ZEB1: variants seen among roughly 807,000 people sequenced by gnomAD.
The protein encoded by ZEB1 is zinc finger E-box-binding homeobox 1.
ZEB1 carries 21 observed loss-of-function variants against 84.9 expected under a neutral mutation model. The ratio of observed to expected loss-of-function variants is 0.25; its 90% CI spans 0.18 to 0.36. The LOEUF is 0.36. Among genes scored for constraint, ZEB1 ranks in the 10% least tolerant of loss-of-function variants. ZEB1 has a pLI of 1.00. For synonymous variants in ZEB1, 420 were observed against 471.1 expected (o/e 0.89, Z 1.41); for missense variants, 1,104 against 1,330.2 (o/e 0.83, Z 2.65).
chr10:31,475,485 C>T (rs1283736143), intron 2 of ZEB1, among the ~76,000 whole-genome samples: 1 of 152,056 alleles, frequency 6.6e-6, no homozygotes, highest in Non-Finnish European at 1.5e-5. Flanking sequence ...ATGACCAAGG[C>T]ATATAGTCAT....
chr10:31,527,182 C>T lies in ZEB1; in HGVS notation c.3296C>T (p.Ala1099Val). 6.2e-7 allele frequency: 1 copy of T among 1,611,338 alleles called. No individual in the cohort carries two copies. Among genetic ancestry groups the T allele is most frequent in the Non-Finnish European group, 8.5e-7 (1 of 1,178,716 alleles). ...KTEGLMKDDR[A>V]ESQASSLGQK... The stretch of plus-strand genomic sequence containing the variant: ...GAAGGTCTGATGAAGGATGACAGGG[C>T]TGAAAGTCAAGCAAGCAGCTTAGGA... The change falls in exon 9 of 9, where the codon GCT becomes GTT. Residue 1099 changes from alanine (A) to valine (V), a missense_variant. Ala to Val is a moderately conservative substitution (Grantham distance 64, BLOSUM62 0). Around this residue, in one of 7 missense-constraint regions of ZEB1, gnomAD observed 173 missense variants for 167.0 expected, o/e 1.04. Transcript: ENST00000424869.
chr10:31,350,671 C>CA (rs1298066897), intron 1 of ZEB1, among the ~76,000 whole-genome samples: 2 of 151,896 alleles, frequency 1.3e-5, no homozygotes, highest in Non-Finnish European at 2.9e-5. Flanking sequence ...CTAAGAATAA[C>CA]AAAAAATGAG....
intron 1 of ZEB1, among the ~76,000 whole-genome samples, chr10:31,448,944 G>T (rs1376168889): frequency 3.3e-5 from 5 of 152,246 alleles, no homozygotes; most frequent in African/African-American, 1.2e-4. Flanking sequence ...GCTCCACCCA[G>T]TTGGAGCTTC....
chr10:31,321,289 T>A, intron 1 of ZEB1: 1 of 1,370,386 alleles, frequency 7.3e-7, no homozygotes, highest in Non-Finnish European at 9.4e-7. Context: ...ATTTTTAATA[T>A]ATTCGAGCCA....
chr10:31,383,997 AG>A, intron 1 of ZEB1, among the ~76,000 whole-genome samples: 1 of 113,826 alleles, frequency 8.8e-6, no homozygotes, highest in Middle Eastern at 7.9e-3. Flanking sequence ...TTTTTGAGAT[AG>A]AGTCTCACTC....
intron 1 of ZEB1, chr10:31,362,658 C>T (rs1230219929): frequency 5.2e-6 from 2 of 387,942 alleles, no homozygotes; most frequent in Non-Finnish European, 9.7e-6. Flanking sequence ...TGGCCGGGCA[C>T]AGGCGCTCCT....
intron 1 of ZEB1, among the ~76,000 whole-genome samples, chr10:31,443,500 G>A (rs1317571007): frequency 6.7e-6 from 1 of 149,998 alleles, no homozygotes; most frequent in Admixed American, 6.6e-5. Context: ...CCATGCTGGT[G>A]CGCTGCACCC....
chr10:31,319,219 C>G lies in ZEB1; in HGVS notation c.-16C>G. 1.2e-6 allele frequency: 2 copies of G among 1,602,988 alleles called. No individual in the cohort carries two copies. The highest frequency in any genetic ancestry group is 1.7e-6 in the Non-Finnish European group (2 of 1,175,924). ...GGAGGAGGTGACTCGAGCATTTAGA[C>G]ACAAGCGAGAGGATCATGGCGGATG... On this transcript the variant is annotated 5_prime_UTR_variant, in exon 1 of 9. Coordinates refer to ENST00000424869, the MANE Select transcript of ZEB1 (RefSeq NM_001174096.2).
In ZEB1 at chr10:31,526,200, C is replaced by T. The variant is rs141125148; in HGVS notation, c.2786-472C>T. On this transcript the variant is annotated intron_variant, in intron 8 of 8. Transcript: ENST00000424869. Reference sequence around the variant, plus strand: ...TATACTGTATATTTATGAGTTTTATCGTATATAAAAAGTGTATAGTAAACA... The same window carrying T: ...TATACTGTATATTTATGAGTTTTATTGTATATAAAAAGTGTATAGTAAACA... Among the ~76,000 whole-genome samples, 1,393 of 152,172 alleles carry T rather than the reference C, an allele frequency of 9.2e-3. 13 individuals carry two copies. The highest frequency in any genetic ancestry group is 0.031 in the African/African-American group (1,301 of 41,494).
In ZEB1 at chr10:31,521,024, A is replaced by G; in HGVS notation, c.1692A>G (p.Ala564=). The G allele has an allele frequency of 3.7e-6, 6 of 1,614,076 alleles. No homozygotes were observed. The highest frequency in any genetic ancestry group is 1.3e-5 in the African/African-American group (1 of 75,046). Reference sequence around the variant, plus strand: ...CTACTCAGCCTCCTCCACTCCCTGCAGCAGAAGCTGAGAAGCCTGAGTCCT... The same window carrying G: ...CTACTCAGCCTCCTCCACTCCCTGCGGCAGAAGCTGAGAAGCCTGAGTCCT... The part of the protein sequence containing the change: ...KQPTQPPPLP[A]AEAEKPESSV... Residue 564 remains alanine, a synonymous_variant, in exon 7 of 9, where the codon GCA becomes GCG. Transcript: ENST00000424869.
At position 31,349,802 on chromosome 10, in the gene ZEB1, T is replaced by C. The variant is rs1300417164; in HGVS notation, c.58+30510T>C. Among the ~76,000 whole-genome samples the C allele has an allele frequency of 2.6e-5, 4 of 152,186 alleles. No homozygotes were observed. In the East Asian group the frequency reaches 7.7e-4, roughly 29 times the overall value. ...TATTTAGTTGCTTTAGCTTTTTACATGTTTTGGATACTAATGTCTTATCAG... is the reference window on the plus strand; with the variant it reads ...TATTTAGTTGCTTTAGCTTTTTACACGTTTTGGATACTAATGTCTTATCAG... On this transcript the variant is annotated intron_variant, in intron 1 of 8. Transcript: ENST00000424869.
chr10:31,386,606 C>G (rs180896447), intron 1 of ZEB1, among the ~76,000 whole-genome samples: 1 of 152,152 alleles, frequency 6.6e-6, no homozygotes, highest in African/African-American at 2.4e-5. Context: ...GTTTTACATT[C>G]TAGTAGATTG....
At chr10:31,363,610 G>T (rs1319546603) in intron 1 of ZEB1, 2 of 1,515,850 alleles carry the variant, frequency 1.3e-6, no homozygotes, top group African/African-American at 1.4e-5. Flanking sequence ...CTCCGTCTTC[G>T]GGAGCCTGGC....
In ZEB1 at chr10:31,514,583, T is replaced by TA; in HGVS notation, c.688-19dup. 1 of 1,602,414 alleles carries TA rather than the reference T, an allele frequency of 6.2e-7. No homozygotes were observed. The highest frequency in any genetic ancestry group is 2.2e-5 in the East Asian group (1 of 44,666). On this transcript the variant is annotated intron_variant, in intron 5 of 8. Coordinates refer to ENST00000424869, the MANE Select transcript of ZEB1 (RefSeq NM_001174096.2). ...AAGATCTTTTGCTTTTCAAATAAAA[T>TA]ACCAGTTCTTTTCTTACAGAGACAT...
intron 1 of ZEB1, among the ~76,000 whole-genome samples, chr10:31,333,074 C>G (rs1471244719): frequency 6.6e-6 from 1 of 152,050 alleles, no homozygotes; most frequent in Non-Finnish European, 1.5e-5. Context: ...CTTCCTCTTG[C>G]TAATAGATAA....
chr10:31,440,199 T>C (rs767934774), intron 1 of ZEB1, among the ~76,000 whole-genome samples: 4 of 152,162 alleles, frequency 2.6e-5, no homozygotes, highest in Admixed American at 2.6e-4. Context: ...GGAATGGAAT[T>C]GCCGTTTACT....
Position 31,377,716 on chromosome 10 carries a change from A to G in ZEB1, c.58+58424A>G, listed in dbSNP as rs770554635. ...CAAGTGTAATGTTTTTTAACTTCACAAGGGAAACATGAAATTCCTTTAGTG... is the reference window on the plus strand; with the variant it reads ...CAAGTGTAATGTTTTTTAACTTCACGAGGGAAACATGAAATTCCTTTAGTG... On this transcript the variant is annotated intron_variant, in intron 1 of 8. Transcript: ENST00000424869. Among the ~76,000 whole-genome samples, 8 of 151,820 alleles carry G rather than the reference A, an allele frequency of 5.3e-5. No individual in the cohort carries two copies. In the South Asian group the frequency reaches 1.0e-3, roughly 20 times the overall value.
chr10:31,513,405 T>G (rs574229388), intron 5 of ZEB1, among the ~76,000 whole-genome samples: 2 of 152,178 alleles, frequency 1.3e-5, no homozygotes, highest in Non-Finnish European at 2.9e-5. Context: ...GTTAATCATG[T>G]TAAGTTTCAG....
intron 1 of ZEB1, among the ~76,000 whole-genome samples, chr10:31,451,416 G>C (rs2060553888): frequency 6.6e-6 from 1 of 151,838 alleles, no homozygotes; most frequent in Non-Finnish European, 1.5e-5. Context: ...CAATTACATG[G>C]CTTCTCTATT....
Sources: gnomAD v4.1 joint callset for allele counts (sites outside exome capture counted in the v4.1 genomes callset) on GRCh38, gnomAD v4.1.1 for gene constraint, gnomAD v4.1.1 regional missense constraint, MANE v1.5 for transcripts, NCBI Gene and HGNC (gene_info 2026-07-23, HGNC 2026-07-21) for gene names.